Variants in GRID2 observed in about 807,000 individuals in gnomAD.
GRID2 encodes the protein glutamate ionotropic receptor delta type subunit 2.
GRID2 carries 33 observed loss-of-function variants against 114.8 expected under a neutral mutation model. The ratio of observed to expected loss-of-function variants is 0.29; its 90% CI spans 0.22 to 0.38. The LOEUF (loss-of-function observed/expected upper bound fraction) is 0.38. GRID2 is among the 10% of genes least tolerant of loss of function. The probability of loss-of-function intolerance (pLI) is 1.00; values close to 1 mark genes in which losing one functional copy is unlikely to be tolerated. For missense variants in GRID2, 1,184 were observed against 1,257.7 expected, an observed-to-expected ratio of 0.94 and a Z score of 0.89; for synonymous variants, 505 against 449.9, an observed-to-expected ratio of 1.12 and a Z score of -1.55.
chr4:92,536,956 C>G (rs1579538267), intron 1 of GRID2, among the ~76,000 whole-genome samples: 1 of 152,182 alleles, frequency 6.6e-6, no homozygotes, highest in East Asian at 1.9e-4. Flanking sequence ...GTTCAGGAGA[C>G]AGTTAGCAAA....
intron 2 of GRID2, among the ~76,000 whole-genome samples, chr4:92,847,642 A>G (rs144742553): frequency 7.6e-4 from 115 of 152,210 alleles, no homozygotes; most frequent in African/African-American, 2.7e-3. Context: ...ACACAGCTAT[A>G]CTGATGAATT....
Position 92,630,086 on chromosome 4 carries a change from AC to A in GRID2, c.244+39801del, listed in dbSNP as rs575295764. ...TTATTCATTTTGGAAACATTTCTGCACTCAATATTGTCTATGTTCCCACTGT... is the reference window on the plus strand; with the variant it reads ...TTATTCATTTTGGAAACATTTCTGCATCAATATTGTCTATGTTCCCACTGT... On this transcript the variant is annotated intron_variant, in intron 2 of 15. Coordinates refer to ENST00000282020, the MANE Select transcript of GRID2 (RefSeq NM_001510.4). Among the ~76,000 whole-genome samples the A allele has an allele frequency of 9.5e-4, 144 of 152,144 alleles. 1 individual carries two copies. The highest frequency in any genetic ancestry group is 3.3e-3 in the African/African-American group (136 of 41,562).
At chr4:92,667,864 T>G (rs77853606) in intron 2 of GRID2, among the ~76,000 whole-genome samples, 9,225 of 151,856 alleles carry the variant, frequency 0.061, 337 homozygotes, top group East Asian at 0.16. Context: ...GACAACAAGA[T>G]ATAGTTAAAA....
chr4:92,840,211 A>G (rs1742781625), intron 2 of GRID2, among the ~76,000 whole-genome samples: 1 of 151,904 alleles, frequency 6.6e-6, no homozygotes, highest in Non-Finnish European at 1.5e-5. Flanking sequence ...GTGTGTCTTT[A>G]CAGGTAAAGT....
Position 93,216,769 on chromosome 4 carries a change from T to C in GRID2, c.821T>C (p.Val274Ala), listed in dbSNP as rs756971610. 6.2e-7 allele frequency: 1 copy of C among 1,612,150 alleles called. No homozygotes were observed. Among genetic ancestry groups the C allele is most frequent in the Admixed American group, 1.7e-5 (1 of 59,980 alleles). Residue 274 changes from valine to alanine, a missense_variant, in exon 6 of 16, where the codon GTA (valine) becomes GCA (alanine). This residue lies in a region of GRID2 where 455 missense variants were observed against 429.5 expected (regional missense o/e 1.06). Coordinates refer to ENST00000282020, the MANE Select transcript of GRID2 (RefSeq NM_001510.4). ...EINDVDVQEL[V>A]RRSIGRLTII... ...AACGATGTGGACGTACAGGAACTTGTAAGAAGGTCAATTGGAAGGTTAACG... is the reference window on the plus strand; with the variant it reads ...AACGATGTGGACGTACAGGAACTTGCAAGAAGGTCAATTGGAAGGTTAACG...
chr4:92,766,111 C>T (rs1738251604), intron 2 of GRID2, among the ~76,000 whole-genome samples: 1 of 152,156 alleles, frequency 6.6e-6, no homozygotes, highest in Non-Finnish European at 1.5e-5. Flanking sequence ...TACAGATAAT[C>T]TTCTGATTTT....
At chr4:92,363,988 T>C (rs1728738260) in intron 1 of GRID2, among the ~76,000 whole-genome samples, 1 of 151,810 alleles carries the variant, frequency 6.6e-6, no homozygotes, top group Admixed American at 6.6e-5. Flanking sequence ...CCCAGCTAAG[T>C]TTTGTATTTT....
intron 2 of GRID2, among the ~76,000 whole-genome samples, chr4:92,952,986 G>A (rs1370106354): frequency 6.6e-6 from 1 of 151,806 alleles, no homozygotes; most frequent in Non-Finnish European, 1.5e-5. Flanking sequence ...TCATCAACTG[G>A]CATTTTTTTT....
chr4:93,316,327 A>C lies in GRID2; in HGVS notation c.1245+77837A>C, dbSNP rs560760567. ...AAGAAAGAAAGAAAGAAAGAAAGAA[A>C]GAAAGAAAGAAAGAAGGAAGGAAGG... is the stretch of plus-strand genomic sequence containing the variant. On this transcript the variant is annotated intron_variant, in intron 8 of 15. Transcript: ENST00000282020. Among the ~76,000 whole-genome samples the C allele has an allele frequency of 3.0e-3, 143 of 48,114 alleles. 2 individuals are homozygous for C. The highest frequency in any genetic ancestry group is 3.7e-3 in the Non-Finnish European group (91 of 24,410). The allele number at this position is 48,114 out of a possible 152,430, so 31.6% of individuals were successfully genotyped here.
intron 13 of GRID2, among the ~76,000 whole-genome samples, chr4:93,614,044 C>T (rs1169685339): frequency 6.6e-6 from 1 of 152,024 alleles, no homozygotes; most frequent in East Asian, 2.0e-4. Context: ...GTCTGAAAAG[C>T]GCAATATTCG....
intron 14 of GRID2, among the ~76,000 whole-genome samples, chr4:93,698,666 T>G (rs74810530): frequency 1.3e-5 from 2 of 152,060 alleles, no homozygotes; most frequent in East Asian, 3.9e-4. Flanking sequence ...TAATAAATAT[T>G]GATTTTAGGA....
rs1733858017 is a variant in GRID2 at position 92,685,560 on chromosome 4, A to T, written c.244+95274A>T. Among the ~76,000 whole-genome samples, 5 of 152,116 alleles carry T rather than the reference A, an allele frequency of 3.3e-5. No homozygotes were observed. In the South Asian group the frequency reaches 1.0e-3, roughly 32 times the overall value. ...TGAGTTAACATGCCTAGAAATTTAAATGGATATAATACTTTCATAGTAATG... is the reference window on the plus strand; with the variant it reads ...TGAGTTAACATGCCTAGAAATTTAATTGGATATAATACTTTCATAGTAATG... On this transcript the variant is annotated intron_variant, in intron 2 of 15. Transcript: ENST00000282020.
intron 3 of GRID2, among the ~76,000 whole-genome samples, chr4:93,107,885 C>A (rs1463956597): frequency 6.6e-6 from 1 of 152,104 alleles, no homozygotes; most frequent in Non-Finnish European, 1.5e-5. Context: ...TAAGGCAGAT[C>A]CTCTACTTGA....
In GRID2 at chr4:92,732,036, G is replaced by A. The variant is rs926630392; in HGVS notation, c.244+141750G>A. 7.2e-5 allele frequency among the ~76,000 whole-genome samples: 11 copies of A among 151,944 alleles called. 1 individual carries two copies. The East Asian group carries it at 7.7e-4, about 11-fold the overall frequency. On this transcript the variant is annotated intron_variant, in intron 2 of 15. Coordinates refer to ENST00000282020, the MANE Select transcript of GRID2 (RefSeq NM_001510.4). ...AGAAAAGAAAAATTATTTAAAAATG[G>A]GGAAGATAAAAGAAGTTGAAATGCT...
At chr4:93,207,308 C>A in intron 4 of GRID2, 96 bp from the exon 5 acceptor site, 3 of 842,442 alleles carry the variant, frequency 3.6e-6, no homozygotes, top group Admixed American at 3.5e-5. Context: ...TTCTAACATA[C>A]GATTCATTTT....
At chr4:92,373,441 C>A (rs1729208129) in intron 1 of GRID2, among the ~76,000 whole-genome samples, 1 of 152,196 alleles carries the variant, frequency 6.6e-6, no homozygotes, top group Non-Finnish European at 1.5e-5. Flanking sequence ...AGCCCAACTT[C>A]TAACAATGTT....
intron 10 of GRID2, among the ~76,000 whole-genome samples, chr4:93,450,482 C>G (rs1722580522): frequency 6.6e-6 from 1 of 151,712 alleles, no homozygotes; most frequent in Admixed American, 6.6e-5. Context: ...ATATAATGTT[C>G]TTAGCATTAT....
chr4:92,438,096 C>T (rs1370828949), intron 1 of GRID2, among the ~76,000 whole-genome samples: 2 of 152,172 alleles, frequency 1.3e-5, no homozygotes, highest in Non-Finnish European at 2.9e-5. Context: ...CTATTTATGA[C>T]TTTCCATCGT....
intron 1 of GRID2, among the ~76,000 whole-genome samples, chr4:92,498,687 A>T (rs571529043): frequency 8.6e-5 from 13 of 152,034 alleles, no homozygotes; most frequent in Admixed American, 2.6e-4. Flanking sequence ...TATCAGGTGC[A>T]AACTTAAAAC....
Sources: gnomAD v4.1 joint callset for allele counts (sites outside exome capture counted in the v4.1 genomes callset) on GRCh38, gnomAD v4.1.1 for gene constraint, gnomAD v4.1.1 regional missense constraint, MANE v1.5 for transcripts, NCBI Gene and HGNC (gene_info 2026-07-23, HGNC 2026-07-21) for gene names.